The following NCOA7 variants were observed in gnomAD, a reference collection of about 807,000 sequenced individuals.
The protein encoded by NCOA7 is nuclear receptor coactivator 7, also known as 140 kDa estrogen receptor-associated protein.
In NCOA7, 45 loss-of-function variants were observed where a neutral mutation model predicts 104.3. The observed-to-expected ratio is 0.43, with a 90% CI of 0.34 to 0.55. The LOEUF (loss-of-function observed/expected upper bound fraction) is 0.55. NCOA7 is among the 20% of genes least tolerant of loss of function. NCOA7 has a pLI of 0.02. For synonymous variants in NCOA7, 398 were observed against 402.3 expected, an observed-to-expected ratio of 0.99 and a Z score of 0.13; for missense variants, 1,041 against 1,119.7, an observed-to-expected ratio of 0.93 and a Z score of 1.00.
intron 10 of NCOA7, among the ~76,000 whole-genome samples, chr6:125,903,993 A>G (rs1473658719): frequency 1.3e-5 from 2 of 152,180 alleles, no homozygotes; most frequent in African/African-American, 4.8e-5. Context: ...GGCATGAGCC[A>G]CTACCCTTTA....
chr6:125,783,710 G>A (rs1295633968), intron 1 of NCOA7, among the ~76,000 whole-genome samples: 2 of 152,074 alleles, frequency 1.3e-5, no homozygotes, highest in Non-Finnish European at 2.9e-5. Flanking sequence ...GCACAACATG[G>A]CCCAGGTACA....
chr6:125,814,369 C>T (rs1298810841), intron 1 of NCOA7, among the ~76,000 whole-genome samples: 2 of 152,020 alleles, frequency 1.3e-5, no homozygotes, highest in Non-Finnish European at 1.5e-5. Flanking sequence ...TTGGCCAGGC[C>T]GGTCTCAAAC....
chr6:125,916,055 TA>T (rs1787045354), intron 11 of NCOA7, among the ~76,000 whole-genome samples: 2 of 152,200 alleles, frequency 1.3e-5, no homozygotes, highest in Non-Finnish European at 2.9e-5. Context: ...ATGCAAATCA[TA>T]TCATAATTAT....
At position 125,927,999 on chromosome 6, in the gene NCOA7, T is replaced by C. The variant is rs554487716; in HGVS notation, c.2620-175T>C. On this transcript the variant is annotated intron_variant, in intron 14 of 15. Coordinates refer to ENST00000392477, the MANE Select transcript of NCOA7 (RefSeq NM_181782.5). The stretch of plus-strand genomic sequence containing the variant: ...CACGTGTCTGAAAGGTCTTCCTTCC[T>C]TCGTAACCCCTTGGGAGATCTCATC... 2.3e-3 allele frequency among the ~76,000 whole-genome samples: 356 copies of C among 152,368 alleles called. 2 individuals carry two copies. Among genetic ancestry groups the C allele is most frequent in the African/African-American group, 7.7e-3 (319 of 41,590 alleles).
intron 1 of NCOA7, among the ~76,000 whole-genome samples, chr6:125,807,438 G>A (rs1776564422): frequency 1.3e-5 from 2 of 151,990 alleles, no homozygotes; most frequent in South Asian, 2.1e-4. Flanking sequence ...GGGTTTTTTC[G>A]AGGTGAGGGG....
intron 11 of NCOA7, among the ~76,000 whole-genome samples, chr6:125,916,841 A>G (rs916534418): frequency 2.0e-5 from 3 of 152,234 alleles, no homozygotes; most frequent in Non-Finnish European, 2.9e-5. Flanking sequence ...GTGTCCATGT[A>G]TAAGTGGCCC....
chr6:125,806,343 A>T (rs1776452961), intron 1 of NCOA7, among the ~76,000 whole-genome samples: 1 of 152,220 alleles, frequency 6.6e-6, no homozygotes, highest in East Asian at 1.9e-4. Context: ...TCCTTCTCAA[A>T]ATAAATAAAT....
rs139780895 is a variant in NCOA7, at chr6:125,875,274, C to T, written c.351+306C>T. 172 of 262,638 alleles carry T rather than the reference C, an allele frequency of 6.5e-4. 2 individuals carry two copies. Among genetic ancestry groups the T allele is most frequent in the African/African-American group, 3.6e-3 (167 of 45,768 alleles). 16.3% of individuals were successfully genotyped at this position (262,638 alleles called of 1,614,324 possible). On this transcript the variant is annotated intron_variant, in intron 4 of 15. Transcript: ENST00000392477. ...GGTATCCCTTTCTTCCCCCACCACT[C>T]CATGTGCATCCCTCTGGAGCTTGGA...
At chr6:125,790,307 T>G (rs1037183680), upstream of NCOA7, among the ~76,000 whole-genome samples, 5 of 152,242 alleles carry the variant, frequency 3.3e-5, no homozygotes, top group African/African-American at 1.2e-4. Context: ...GTCAAAGCCT[T>G]ACTTCCCACG....
intron 2 of NCOA7, among the ~76,000 whole-genome samples, chr6:125,850,215 A>G (rs1004184659): frequency 1.3e-5 from 2 of 152,216 alleles, no homozygotes; most frequent in Admixed American, 6.5e-5. Context: ...AGGATTTTAC[A>G]GAGGGCTTCC....
At chr6:125,792,036 T>G (rs1774906828) in intron 1 of NCOA7, among the ~76,000 whole-genome samples, 1 of 152,220 alleles carries the variant, frequency 6.6e-6, no homozygotes, top group African/African-American at 2.4e-5. Flanking sequence ...AGTGACTCAG[T>G]ATAAGCTCAA....
At chr6:125,806,990 A>T (rs958687500) in intron 1 of NCOA7, among the ~76,000 whole-genome samples, 3 of 152,200 alleles carry the variant, frequency 2.0e-5, no homozygotes, top group African/African-American at 7.2e-5. Context: ...TACAGTAGTC[A>T]TATAAAACGG....
intron 5 of NCOA7, among the ~76,000 whole-genome samples, chr6:125,880,100 AC>A (rs1373569382): frequency 1.3e-5 from 2 of 152,244 alleles, no homozygotes; most frequent in Admixed American, 6.5e-5. Flanking sequence ...TGTTTTGAGA[AC>A]CAGAATGTTT....
intron 10 of NCOA7, among the ~76,000 whole-genome samples, chr6:125,914,539 C>G (rs1332797574): frequency 3.3e-5 from 5 of 152,084 alleles, no homozygotes; most frequent in Admixed American, 6.5e-5. Flanking sequence ...TTAACGTTAT[C>G]CCAACAGTAG....
intron 1 of NCOA7, among the ~76,000 whole-genome samples, chr6:125,801,749 T>C (rs1384521258): frequency 6.6e-6 from 1 of 152,168 alleles, no homozygotes; most frequent in Non-Finnish European, 1.5e-5. Context: ...TCCTTTTGTG[T>C]CTCTATCACT....
intron 2 of NCOA7, among the ~76,000 whole-genome samples, chr6:125,832,098 C>T (rs972264553): frequency 1.3e-5 from 2 of 152,224 alleles, no homozygotes; most frequent in Non-Finnish European, 2.9e-5. Context: ...GTTATCTGCT[C>T]TATACTTCTT....
upstream of NCOA7, among the ~76,000 whole-genome samples, chr6:125,787,305 C>T (rs1010430764): frequency 2.6e-5 from 4 of 152,134 alleles, no homozygotes; most frequent in Admixed American, 1.3e-4. Flanking sequence ...TTCTTCATTA[C>T]AAGAATTGTC....
At chr6:125,883,169 G>C (rs1783985042) in intron 7 of NCOA7, among the ~76,000 whole-genome samples, 1 of 152,046 alleles carries the variant, frequency 6.6e-6, no homozygotes, top group Non-Finnish European at 1.5e-5. Context: ...TTTTCACTAA[G>C]AACAAATTCA....
At chr6:125,816,423 C>T (rs1777596046) in intron 2 of NCOA7, among the ~76,000 whole-genome samples, 1 of 152,102 alleles carries the variant, frequency 6.6e-6, no homozygotes, top group South Asian at 2.1e-4. Flanking sequence ...TTTCATGCAG[C>T]ATAAGAGTCA....
Sources: allele counts gnomAD v4.1 joint callset (sites outside exome capture counted in the v4.1 genomes callset), GRCh38; gene constraint gnomAD v4.1.1; transcripts MANE v1.5; gene names NCBI Gene and HGNC (gene_info 2026-07-23, HGNC 2026-07-21).